Variants in CNTNAP2 observed in about 807,000 individuals in gnomAD.
The protein encoded by CNTNAP2 is contactin associated protein 2.
Under a neutral mutation model 155.2 loss-of-function variants are expected in CNTNAP2, and 98 were observed. The observed-to-expected ratio is 0.63, with a 90% CI of 0.54 to 0.75. CNTNAP2 has a LOEUF of 0.75. Among genes scored for constraint, CNTNAP2 ranks in the 30% least tolerant of loss-of-function variants. The pLI, the probability that CNTNAP2 is intolerant of heterozygous loss-of-function variation, is 0.00. For synonymous variants in CNTNAP2, 651 were observed against 631.2 expected (o/e 1.03, Z -0.47); for missense variants, 1,727 against 1,688.1 (o/e 1.02, Z -0.40).
chr7:146,575,944 G>A (rs894252043), intron 1 of CNTNAP2, among the ~76,000 whole-genome samples: 1 of 152,156 alleles, frequency 6.6e-6, no homozygotes, highest in Non-Finnish European at 1.5e-5. Flanking sequence ...GGGAGGAGGT[G>A]AAGATACACC....
chr7:146,219,672 G>A (rs142003170), intron 1 of CNTNAP2, among the ~76,000 whole-genome samples: 116 of 152,258 alleles, frequency 7.6e-4, no homozygotes, highest in African/African-American at 2.7e-3. Context: ...AGATGGGTCT[G>A]GAGCAATACC....
chr7:147,264,122 A>C (rs572349643), intron 8 of CNTNAP2, among the ~76,000 whole-genome samples: 3 of 152,292 alleles, frequency 2.0e-5, no homozygotes, highest in Middle Eastern at 3.4e-3. Flanking sequence ...TACTGTTTTG[A>C]AAAGGTCAGA....
At position 146,721,637 on chromosome 7, in the gene CNTNAP2, T is replaced by C. The variant is rs1801321966; in HGVS notation, c.98-52634T>C. Among the ~76,000 whole-genome samples, 4 of 120,982 alleles carry C rather than the reference T, an allele frequency of 3.3e-5. No homozygotes were observed. The South Asian group carries it at 9.2e-4, about 28-fold the overall frequency. The allele number at this position is 120,982 out of a possible 152,430, so 79.4% of individuals were successfully genotyped here. A position where few individuals can be genotyped will look rare whatever the true frequency, so the allele number is the denominator to read the frequency against. On this transcript the variant is annotated intron_variant, in intron 1 of 23. Coordinates refer to ENST00000361727, the MANE Select transcript of CNTNAP2 (RefSeq NM_014141.6). ...ATATATATTCTATATACATTCTATA[T>C]ATATTCTATATATATTCTATATACA...
At chr7:146,609,920 A>G (rs1229791429) in intron 1 of CNTNAP2, among the ~76,000 whole-genome samples, 1 of 152,180 alleles carries the variant, frequency 6.6e-6, no homozygotes, top group Non-Finnish European at 1.5e-5. Context: ...ACCTGAGTAC[A>G]TGGTAGATAA....
chr7:148,084,046 C>T (rs1449864749), intron 15 of CNTNAP2, among the ~76,000 whole-genome samples: 1 of 152,198 alleles, frequency 6.6e-6, no homozygotes, highest in East Asian at 1.9e-4. Context: ...ATTTTAAGAT[C>T]CCCTGAAAGT....
chr7:147,319,829 T>C (rs1257681132), intron 9 of CNTNAP2, among the ~76,000 whole-genome samples: 1 of 152,202 alleles, frequency 6.6e-6, no homozygotes, highest in Non-Finnish European at 1.5e-5. Context: ...TTAAACTGGA[T>C]GAAGGGGCTG....
chr7:146,471,970 A>T (rs970845528), intron 1 of CNTNAP2, among the ~76,000 whole-genome samples: 2 of 152,214 alleles, frequency 1.3e-5, no homozygotes, highest in African/African-American at 4.8e-5. Context: ...AGAATCTGAA[A>T]TGAACTTGCA....
At chr7:147,229,767 T>C (rs1250876877) in intron 8 of CNTNAP2, among the ~76,000 whole-genome samples, 2 of 152,182 alleles carry the variant, frequency 1.3e-5, no homozygotes, top group Admixed American at 1.3e-4. Flanking sequence ...TTTTATCTTT[T>C]CTCCTGATGT....
intron 1 of CNTNAP2, among the ~76,000 whole-genome samples, chr7:146,509,679 G>A (rs1046346069): frequency 3.3e-5 from 5 of 152,104 alleles, no homozygotes; most frequent in Non-Finnish European, 7.3e-5. Flanking sequence ...ACTAATAGCA[G>A]CCTCTAATTC....
At position 146,365,811 on chromosome 7, in the gene CNTNAP2, A is replaced by G. The variant is rs1045582817; in HGVS notation, c.97+248838A>G. On this transcript the variant is annotated intron_variant, in intron 1 of 23. Transcript: ENST00000361727. ...TGCCATTAGATATGAAAACATGTCT[A>G]TTAACTTAATAAGCCAGAAATAAAG... is the stretch of plus-strand genomic sequence containing the variant. Among the ~76,000 whole-genome samples, 13 of 152,328 alleles carry G rather than the reference A, an allele frequency of 8.5e-5. No individual in the cohort carries two copies. The East Asian group carries it at 2.5e-3, about 29-fold the overall frequency.
chr7:146,667,272 T>C (rs1397357636), intron 1 of CNTNAP2, among the ~76,000 whole-genome samples: 1 of 152,136 alleles, frequency 6.6e-6, no homozygotes, highest in Non-Finnish European at 1.5e-5. Context: ...AGTACATTTG[T>C]CAAAAAATCA....
At chr7:148,142,560 G>GA (rs1284890353) in intron 16 of CNTNAP2, among the ~76,000 whole-genome samples, 1 of 152,092 alleles carries the variant, frequency 6.6e-6, no homozygotes, top group Non-Finnish European at 1.5e-5. Context: ...TTTTAGAATG[G>GA]AAAAAACGTA....
chr7:147,665,517 A>C (rs957576944), intron 13 of CNTNAP2, among the ~76,000 whole-genome samples: 1 of 152,334 alleles, frequency 6.6e-6, no homozygotes, highest in Admixed American at 6.5e-5. Context: ...GAGGTTTGCT[A>C]CATAGGTAAC....
intron 3 of CNTNAP2, among the ~76,000 whole-genome samples, chr7:147,025,850 TG>T (rs1204057102): frequency 4.7e-5 from 6 of 128,092 alleles, no homozygotes; most frequent in East Asian, 5.0e-4. Context: ...GTGTTGCTGT[TG>T]TTTTTTTTTT....
At chr7:146,271,276 T>C (rs2129083360) in intron 1 of CNTNAP2, among the ~76,000 whole-genome samples, 1 of 152,224 alleles carries the variant, frequency 6.6e-6, no homozygotes, top group Admixed American at 6.5e-5. Flanking sequence ...TATTTTCATT[T>C]ATATTTACAT....
chr7:147,377,687 A>T (rs970133036), intron 9 of CNTNAP2, among the ~76,000 whole-genome samples: 5 of 151,906 alleles, frequency 3.3e-5, no homozygotes, highest in Admixed American at 2.0e-4. Flanking sequence ...TTAGCTTGGT[A>T]TACAAGTCTA....
intron 3 of CNTNAP2, among the ~76,000 whole-genome samples, chr7:146,853,015 T>G (rs551546692): frequency 6.6e-6 from 1 of 151,874 alleles, no homozygotes; most frequent in African/African-American, 2.4e-5. Flanking sequence ...AGAAAAAGAC[T>G]GTGAATTTAT....
chr7:148,264,241 C>T (rs958190108), intron 20 of CNTNAP2, among the ~76,000 whole-genome samples: 1 of 152,128 alleles, frequency 6.6e-6, no homozygotes, highest in African/African-American at 2.4e-5. Context: ...CATAATATAT[C>T]GTCAAGTTAA....
At chr7:146,294,899 G>T (rs1185651034) in intron 1 of CNTNAP2, among the ~76,000 whole-genome samples, 2 of 152,090 alleles carry the variant, frequency 1.3e-5, no homozygotes, top group Non-Finnish European at 1.5e-5. Context: ...TTCACCAAAA[G>T]AATTTATAAC....
Sources: allele counts gnomAD v4.1 joint callset (sites outside exome capture counted in the v4.1 genomes callset), GRCh38; gene constraint gnomAD v4.1.1; transcripts MANE v1.5; gene names NCBI Gene and HGNC (gene_info 2026-07-23, HGNC 2026-07-21).